The following LRGUK variants were observed in gnomAD, a reference collection of about 807,000 sequenced individuals.
The protein encoded by LRGUK is leucine-rich repeat and guanylate kinase domain-containing protein.
LRGUK carries 65 observed loss-of-function variants against 76.0 expected under a neutral mutation model. The ratio of observed to expected loss-of-function variants is 0.85; its 90% CI spans 0.70 to 1.05. The LOEUF is 1.05. Among genes scored for constraint, LRGUK ranks in the 50% least tolerant of loss-of-function variants. The pLI, the probability that LRGUK is intolerant of heterozygous loss-of-function variation, is 0.00. For synonymous variants in LRGUK, 268 were observed against 265.6 expected, an observed-to-expected ratio of 1.01 and a Z score of -0.09; for missense variants, 758 against 732.8, an observed-to-expected ratio of 1.03 and a Z score of -0.40.
At chr7:134,131,665 T>C (rs1797313451) in intron 1 of LRGUK, among the ~76,000 whole-genome samples, 2 of 151,978 alleles carry the variant, frequency 1.3e-5, no homozygotes, top group Admixed American at 1.3e-4. Flanking sequence ...GGCCAGGTGG[T>C]ATTAGATTGG....
In LRGUK at chr7:134,157,461, G is replaced by A. The variant is rs1798523553; in HGVS notation, c.671-574G>A. 2.0e-5 allele frequency among the ~76,000 whole-genome samples: 3 copies of A among 152,232 alleles called. 1 individual carries two copies. The highest frequency in any genetic ancestry group is 1.3e-4 in the Admixed American group (2 of 15,284). ...AACACACTGCCAATGAGGCAGCTAT[G>A]AGCCACGGTGATTTTTCTTTCCGTA... On this transcript the variant is annotated intron_variant, in intron 5 of 15. Coordinates refer to ENST00000645682, the Ensembl canonical transcript of LRGUK.
At position 134,199,329 on chromosome 7, in the gene LRGUK, G is replaced by A. The variant is rs34890031; in HGVS notation, c.1655G>A (p.Arg552His). The change falls in exon 14 of 16, where the codon CGT (arginine) becomes CAT (histidine). Residue 552 changes from arginine (R) to histidine (H), a missense_variant. Coordinates refer to ENST00000645682, the Ensembl canonical transcript of LRGUK. ...TTGCGGAGAAAAGGATTATTCAGTC[G>A]TGCAGAAATTGAATTTGCTGTCTCC... The A allele has an allele frequency of 0.012, 19,423 of 1,613,624 alleles. 2,196 individuals are homozygous for A. The Admixed American group carries it at 0.24, about 20-fold the overall frequency.
downstream of LRGUK, among the ~76,000 whole-genome samples, chr7:134,212,238 A>T (rs1200725297): frequency 6.6e-6 from 1 of 152,246 alleles, no homozygotes; most frequent in Non-Finnish European, 1.5e-5. Flanking sequence ...ACCTTCAGAC[A>T]TACCTATTGA....
At chr7:134,221,874 C>T (rs780310398) in exon 16 of LRGUK, 13 of 1,596,052 alleles carry the variant, frequency 8.1e-6, no homozygotes, top group Non-Finnish European at 1.1e-5. Flanking sequence ...CAGAAACTAC[C>T]TCATTAAATT....
intron 7 of LRGUK, among the ~76,000 whole-genome samples, chr7:134,164,371 G>C (rs1045283872): frequency 2.0e-5 from 3 of 152,130 alleles, no homozygotes; most frequent in Non-Finnish European, 4.4e-5. Flanking sequence ...GTGGCTTGGG[G>C]ACTGGGTTTA....
At chr7:134,173,327 G>A (rs1340421180) in intron 7 of LRGUK, among the ~76,000 whole-genome samples, 1 of 152,182 alleles carries the variant, frequency 6.6e-6, no homozygotes, top group Admixed American at 6.5e-5. Context: ...TTTGGGTCTA[G>A]TTTGCATTTT....
chr7:134,197,052 G>A lies in LRGUK; in HGVS notation c.1492G>A (p.Val498Ile), dbSNP rs762700582. The change falls in exon 13 of 16, where the codon GTA (valine) becomes ATA (isoleucine). Residue 498 changes from valine to isoleucine, a missense_variant. Transcript: ENST00000645682. ...CAAGTATGGATTAAATAGGGACACC[G>A]TAGAAGGTATCGCAAGAGATGGTTT... is the stretch of plus-strand genomic sequence containing the variant. 5.0e-5 allele frequency: 81 copies of A among 1,612,226 alleles called. No homozygotes were observed. The highest frequency in any genetic ancestry group is 3.3e-4 in the Middle Eastern group (2 of 6,084).
At chr7:134,258,479 C>G in intron 19 of LRGUK, 74 bp downstream of exon 19, 1 of 1,415,382 alleles carries the variant, frequency 7.1e-7, no homozygotes, top group Non-Finnish European at 9.7e-7. Context: ...GAATGGATCT[C>G]CTGACGTCAG....
intron 7 of LRGUK, among the ~76,000 whole-genome samples, chr7:134,168,605 T>C (rs1799099776): frequency 6.6e-6 from 1 of 152,048 alleles, no homozygotes; most frequent in Non-Finnish European, 1.5e-5. Context: ...GGGCCTTCAA[T>C]CAGGTAGCAG....
At chr7:134,239,425 C>G (rs778802593) in intron 16 of LRGUK, among the ~76,000 whole-genome samples, 2 of 152,206 alleles carry the variant, frequency 1.3e-5, no homozygotes, top group Non-Finnish European at 2.9e-5. Context: ...CTCGGAGGGT[C>G]CCACACCCAT....
chr7:134,190,199 T>C (rs1800141739), intron 11 of LRGUK, among the ~76,000 whole-genome samples: 1 of 152,206 alleles, frequency 6.6e-6, no homozygotes, highest in Admixed American at 6.5e-5. Context: ...GTCTCATCTC[T>C]TATTTTATTT....
intron 8 of LRGUK, among the ~76,000 whole-genome samples, chr7:134,176,383 A>T (rs1323294770): frequency 6.6e-6 from 1 of 152,026 alleles, no homozygotes; most frequent in Non-Finnish European, 1.5e-5. Context: ...CTTAAAATTA[A>T]ATTAAATTTT....
chr7:134,132,210 C>T (rs145378542), intron 1 of LRGUK, among the ~76,000 whole-genome samples: 180 of 152,172 alleles, frequency 1.2e-3, no homozygotes, highest in African/African-American at 4.1e-3. Flanking sequence ...AATTAGCCGA[C>T]CAGCCATAGT....
intron 16 of LRGUK, among the ~76,000 whole-genome samples, chr7:134,243,362 G>C (rs1024642001): frequency 1.3e-5 from 2 of 152,118 alleles, no homozygotes; most frequent in African/African-American, 2.4e-5. Context: ...AAGGTCTCAG[G>C]ATACAAAATC....
At chr7:134,213,441 A>C (rs1801349170), downstream of LRGUK, among the ~76,000 whole-genome samples, 1 of 152,176 alleles carries the variant, frequency 6.6e-6, no homozygotes, top group Non-Finnish European at 1.5e-5. Flanking sequence ...GCAAGACAGG[A>C]AGAAAATTAA....
At chr7:134,165,696 G>C (rs139816337) in intron 7 of LRGUK, among the ~76,000 whole-genome samples, 113 of 152,232 alleles carry the variant, frequency 7.4e-4, no homozygotes, top group African/African-American at 2.6e-3. Context: ...CATCCAGTGT[G>C]TATTTTACAC....
intron 16 of LRGUK, among the ~76,000 whole-genome samples, chr7:134,246,267 C>T (rs1473453484): frequency 6.6e-6 from 1 of 152,148 alleles, no homozygotes; most frequent in African/African-American, 2.4e-5. Flanking sequence ...TTGTTGAGGT[C>T]CTGCTTTGTG....
chr7:134,211,910 G>A (rs1275210863), downstream of LRGUK, among the ~76,000 whole-genome samples: 1 of 152,196 alleles, frequency 6.6e-6, no homozygotes, highest in African/African-American at 2.4e-5. Context: ...GGGGCCAGTT[G>A]TGGAACATAA....
intron 16 of LRGUK, among the ~76,000 whole-genome samples, chr7:134,244,088 C>G (rs1408983665): frequency 1.3e-5 from 2 of 152,072 alleles, no homozygotes; most frequent in Admixed American, 6.6e-5. Context: ...AGACCGAAAA[C>G]CATAAAAATC....
Sources: gnomAD v4.1 joint callset for allele counts (sites outside exome capture counted in the v4.1 genomes callset) on GRCh38, gnomAD v4.1.1 for gene constraint, MANE v1.5 for transcripts, NCBI Gene and HGNC (gene_info 2026-07-23, HGNC 2026-07-21) for gene names.